The following ERBB4 variants were observed in gnomAD, a reference collection of about 807,000 sequenced individuals.
ERBB4 encodes the protein erb-b2 receptor tyrosine kinase 4.
ERBB4 carries 42 observed loss-of-function variants against 158.0 expected under a neutral mutation model. That is an observed-to-expected ratio of 0.27 (90% confidence interval 0.21 to 0.34). The LOEUF is 0.34. Ranked by LOEUF, ERBB4 falls within the 10% of genes least tolerant of loss-of-function variation. The pLI, the probability that ERBB4 is intolerant of heterozygous loss-of-function variation, is 1.00. For synonymous variants in ERBB4, 583 were observed against 558.7 expected (o/e 1.04, Z -0.61); for missense variants, 1,333 against 1,624.1 (o/e 0.82, Z 3.08).
intron 1 of ERBB4, among the ~76,000 whole-genome samples, chr2:212,249,544 A>T (rs2084449975): frequency 6.6e-6 from 1 of 151,926 alleles, no homozygotes; most frequent in African/African-American, 2.4e-5. Context: ...AAGGCAATAA[A>T]CTAAACTGAC....
Position 211,740,388 on chromosome 2 carries a change from T to A in ERBB4, c.622+10251A>T, listed in dbSNP as rs376652343. On this transcript the variant is annotated intron_variant, in intron 5 of 27. Transcript: ENST00000342788. Reference sequence around the variant, plus strand: ...GAGAGATGCAGCCATGATAATATTATAAATTGTTGAGTAATATATAAAATT... The same window carrying A: ...GAGAGATGCAGCCATGATAATATTAAAAATTGTTGAGTAATATATAAAATT... Among the ~76,000 whole-genome samples, 13 of 152,262 alleles carry A rather than the reference T, an allele frequency of 8.5e-5. No homozygotes were observed. In the South Asian group the frequency reaches 2.7e-3, roughly 31 times the overall value.
chr2:212,353,899 C>A (rs1401832573), intron 1 of ERBB4, among the ~76,000 whole-genome samples: 1 of 152,126 alleles, frequency 6.6e-6, no homozygotes, highest in East Asian at 1.9e-4. Context: ...AGCAGTGCAC[C>A]TCCTTAATTC....
rs200534259 is a variant in ERBB4, at chr2:212,191,034, A to AT, written c.83-66132dup. 2.8e-3 allele frequency among the ~76,000 whole-genome samples: 397 copies of AT among 144,014 alleles called. 3 individuals are homozygous for AT. Among genetic ancestry groups the AT allele is most frequent in the South Asian group, 0.015 (70 of 4,554 alleles). The allele number at this position is 144,014 out of a possible 152,430, so 94.5% of individuals were successfully genotyped here. On this transcript the variant is annotated intron_variant, in intron 1 of 27. Coordinates refer to ENST00000342788, the MANE Select transcript of ERBB4 (RefSeq NM_005235.3). Reference sequence around the variant, plus strand: ...TACTGATCAACACAGCCCTAAGGGCATTTTTTTTTTTTTAGATAAAGATAA... The same window carrying AT: ...TACTGATCAACACAGCCCTAAGGGCATTTTTTTTTTTTTTAGATAAAGATAA...
In ERBB4 at chr2:211,517,521, A is replaced by G. The variant is rs368049188; in HGVS notation, c.2487+44382T>C. Among the ~76,000 whole-genome samples the G allele has an allele frequency of 4.1e-4, 63 of 152,264 alleles. 1 individual carries two copies. The highest frequency in any genetic ancestry group is 3.3e-3 in the East Asian group (17 of 5,184). On this transcript the variant is annotated intron_variant, in intron 20 of 27. Coordinates refer to ENST00000342788, the MANE Select transcript of ERBB4 (RefSeq NM_005235.3). ...TACAAACTAAAAAAAGAACATTTTT[A>G]TGGGTGAAAGTTAATGGTGAGATAG... is the stretch of plus-strand genomic sequence containing the variant.
At chr2:211,764,360 T>C (rs2075497196) in intron 4 of ERBB4, among the ~76,000 whole-genome samples, 1 of 152,248 alleles carries the variant, frequency 6.6e-6, no homozygotes, top group Non-Finnish European at 1.5e-5. Context: ...CTATTACCTA[T>C]CTTTCAGCTC....
At chr2:211,884,417 C>T (rs1186560015) in intron 3 of ERBB4, among the ~76,000 whole-genome samples, 1 of 152,136 alleles carries the variant, frequency 6.6e-6, no homozygotes, top group Non-Finnish European at 1.5e-5. Flanking sequence ...ACGGAAACGG[C>T]AGAAAAGTAA....
chr2:211,741,694 C>G (rs920688539), intron 5 of ERBB4, among the ~76,000 whole-genome samples: 2 of 152,116 alleles, frequency 1.3e-5, no homozygotes, highest in Non-Finnish European at 2.9e-5. Context: ...TTTATATATA[C>G]CTTTATGCCC....
In ERBB4 at chr2:211,773,629, T is replaced by TATATATATATATATATATATATA. The variant is rs2075785204; in HGVS notation, c.556+14395_556+14396insTATATATATATATATATATATAT. Among the ~76,000 whole-genome samples, 41 of 51,060 alleles carry TATATATATATATATATATATATA rather than the reference T, an allele frequency of 8.0e-4. 2 individuals carry two copies. The highest frequency in any genetic ancestry group is 1.4e-3 in the Non-Finnish European group (35 of 24,614). 33.5% of individuals were successfully genotyped at this position (51,060 alleles called of 152,430 possible). ...ATATATATATATATATATATATATA[T>TATATATATATATATATATATATA]ATATATATATATATATATAATATAT... On this transcript the variant is annotated intron_variant, in intron 4 of 27. Transcript: ENST00000342788.
At chr2:211,949,999 G>T (rs2080830840) in intron 2 of ERBB4, among the ~76,000 whole-genome samples, 2 of 152,246 alleles carry the variant, frequency 1.3e-5, no homozygotes, top group South Asian at 4.2e-4. Context: ...GTGACCAGGA[G>T]AGTGGCAGTA....
intron 3 of ERBB4, among the ~76,000 whole-genome samples, chr2:211,855,354 T>C (rs2077829291): frequency 6.6e-6 from 1 of 152,212 alleles, no homozygotes; most frequent in Non-Finnish European, 1.5e-5. Flanking sequence ...GTATAAGATT[T>C]ATCAATCTTT....
At chr2:212,023,418 C>T (rs2076700485) in intron 2 of ERBB4, among the ~76,000 whole-genome samples, 1 of 151,954 alleles carries the variant, frequency 6.6e-6, no homozygotes, top group Non-Finnish European at 1.5e-5. Flanking sequence ...CTTAAGAATG[C>T]ACTAGCCAAC....
chr2:212,268,235 G>A (rs2085220429), intron 1 of ERBB4, among the ~76,000 whole-genome samples: 1 of 151,806 alleles, frequency 6.6e-6, no homozygotes, highest in Admixed American at 6.6e-5. Flanking sequence ...TTCAAGAATA[G>A]AAATTGTTTT....
chr2:212,203,912 A>G (rs2082660338), intron 1 of ERBB4, among the ~76,000 whole-genome samples: 1 of 152,238 alleles, frequency 6.6e-6, no homozygotes, highest in Admixed American at 6.5e-5. Context: ...GACCACTGAC[A>G]GTCACATACT....
chr2:211,935,646 C>T (rs1469904889), intron 3 of ERBB4, among the ~76,000 whole-genome samples: 3 of 152,060 alleles, frequency 2.0e-5, no homozygotes, highest in African/African-American at 7.2e-5. Flanking sequence ...GCCAGGTCAC[C>T]AGCATCCGAG....
intron 1 of ERBB4, among the ~76,000 whole-genome samples, chr2:212,191,693 CATATAACACGTGTTATACATGTT>C (rs2082222790): frequency 5.2e-5 from 1 of 19,164 alleles, no homozygotes; most frequent in African/African-American, 1.1e-4. Context: ...ATACATGTTA[CATATAACACGTGTTATACATGTT>C]ACATATAACA....
intron 25 of ERBB4, among the ~76,000 whole-genome samples, chr2:211,416,962 A>G (rs2063407681): frequency 6.6e-6 from 1 of 151,996 alleles, no homozygotes; most frequent in Non-Finnish European, 1.5e-5. Context: ...GTTAATATTC[A>G]TTTATTTCCA....
intron 1 of ERBB4, among the ~76,000 whole-genome samples, chr2:212,184,308 T>C (rs928170674): frequency 2.6e-5 from 4 of 152,072 alleles, no homozygotes; most frequent in Admixed American, 6.6e-5. Flanking sequence ...CCGAAAACCC[T>C]GTGTTCTTGA....
At chr2:212,370,051 G>C (rs975895658) in intron 1 of ERBB4, among the ~76,000 whole-genome samples, 1 of 152,096 alleles carries the variant, frequency 6.6e-6, no homozygotes, top group African/African-American at 2.4e-5. Context: ...GACATGGTTT[G>C]GCTCTGTCCC....
chr2:212,152,865 G>A (rs2080915326), intron 1 of ERBB4, among the ~76,000 whole-genome samples: 1 of 152,128 alleles, frequency 6.6e-6, no homozygotes, highest in South Asian at 2.1e-4. Flanking sequence ...GACATGATCT[G>A]GTCAACAGAA....
Sources: gnomAD v4.1 joint callset for allele counts (sites outside exome capture counted in the v4.1 genomes callset) on GRCh38, gnomAD v4.1.1 for gene constraint, MANE v1.5 for transcripts, NCBI Gene and HGNC (gene_info 2026-07-23, HGNC 2026-07-21) for gene names.